DSCAML1: variants seen among roughly 807,000 people sequenced by gnomAD.
DSCAML1 encodes cell adhesion molecule DSCAML1.
In DSCAML1, 38 loss-of-function variants were observed where a neutral mutation model predicts 200.5. The observed-to-expected ratio is 0.19, with a 90% CI of 0.15 to 0.25. The LOEUF (loss-of-function observed/expected upper bound fraction) is 0.25. Among genes scored for constraint, DSCAML1 ranks in the 10% least tolerant of loss-of-function variants. The pLI is 1.00. For synonymous variants in DSCAML1, 1,215 were observed against 1,165.0 expected (o/e 1.04, Z -0.87); for missense variants, 2,223 against 2,858.8 (o/e 0.78, Z 5.07).
intron 3 of DSCAML1, among the ~76,000 whole-genome samples, chr11:117,762,213 A>C (rs917907791): frequency 5.3e-5 from 8 of 152,266 alleles, no homozygotes; most frequent in Non-Finnish European, 7.3e-5. Context: ...AGATAAGTTC[A>C]TAAAGCAGAC....
chr11:117,444,998 C>T (rs892314231), intron 20 of DSCAML1, among the ~76,000 whole-genome samples: 15 of 152,040 alleles, frequency 9.9e-5, no homozygotes, highest in African/African-American at 2.7e-4. Flanking sequence ...GATGGGGGCC[C>T]GAGGCCAGAG....
Position 117,505,828 on chromosome 11 carries a change from G to C in DSCAML1, c.1784-96C>G, listed in dbSNP as rs1007931942. On this transcript the variant is annotated intron_variant, in intron 8 of 32. Transcript: ENST00000651296. The surrounding 1 kb of genome is among the most constrained non-coding windows in gnomAD (Gnocchi z 6.7). ...TGCCTTACCTGGGGCTCTGGGTTGG[G>C]CCTTGAACAAAGATCCCCTGGGGCA... The C allele has an allele frequency of 4.2e-6, 6 of 1,444,252 alleles. No individual in the cohort carries two copies. In the South Asian group the frequency reaches 8.2e-5, roughly 20 times the overall value. The allele number at this position is 1,444,252 out of a possible 1,614,324, so 89.5% of individuals were successfully genotyped here. A position where few individuals can be genotyped will look rare whatever the true frequency, so the allele number is the denominator to read the frequency against.
At chr11:117,768,050 G>C (rs114796432) in intron 3 of DSCAML1, among the ~76,000 whole-genome samples, 2,004 of 152,274 alleles carry the variant, frequency 0.013, 41 homozygotes, top group African/African-American at 0.041. Flanking sequence ...AACGGGGGCT[G>C]TTTTGAGGAG....
rs144085753 is a variant in DSCAML1, at chr11:117,529,259, G to C, written c.658+3117C>G. On this transcript the variant is annotated intron_variant, in intron 4 of 32. Coordinates refer to ENST00000651296, the MANE Select transcript of DSCAML1 (RefSeq NM_020693.4). ...CACTCGGCTAACGTTTGTATTTTTA[G>C]TAAAGATGGGGTTTTGCCATGTTGG... 4.6e-3 allele frequency among the ~76,000 whole-genome samples: 706 copies of C among 152,190 alleles called. 5 individuals carry two copies. The highest frequency in any genetic ancestry group is 0.016 in the African/African-American group (682 of 41,508).
intron 3 of DSCAML1, among the ~76,000 whole-genome samples, chr11:117,670,216 C>A (rs533445014): frequency 1.8e-4 from 27 of 151,892 alleles, no homozygotes; most frequent in South Asian, 4.2e-4. Flanking sequence ...TGGAGAGGAG[C>A]GGTGGCTGGA....
chr11:117,440,021 C>G, intron 21 of DSCAML1, 85 bp from the exon 22 acceptor site: 1 of 1,184,722 alleles, frequency 8.4e-7, no homozygotes, highest in South Asian at 1.3e-5. Context: ...CCTGGATTTA[C>G]AGTTCAAATC....
chr11:117,647,672 A>G (rs536931447), intron 3 of DSCAML1, among the ~76,000 whole-genome samples: 244 of 152,298 alleles, frequency 1.6e-3, no homozygotes, highest in South Asian at 0.011. Context: ...AAGGGGGATG[A>G]GGAGGGAGAC....
In DSCAML1 at chr11:117,528,343, G is replaced by A. The variant is rs1018926571; in HGVS notation, c.659-3260C>T. Among the ~76,000 whole-genome samples the A allele has an allele frequency of 5.3e-5, 8 of 152,196 alleles. No individual in the cohort carries two copies. In the East Asian group the frequency reaches 7.7e-4, roughly 15 times the overall value. On this transcript the variant is annotated intron_variant, in intron 4 of 32. Coordinates refer to ENST00000651296, the MANE Select transcript of DSCAML1 (RefSeq NM_020693.4). Reference sequence around the variant, plus strand: ...GGGCGGAGGGAGGGAATTAATCACCGAGGCTCAGGCGTGAAATTAAATTCT... The same window carrying A: ...GGGCGGAGGGAGGGAATTAATCACCAAGGCTCAGGCGTGAAATTAAATTCT...
chr11:117,513,614 G>T (rs887348764), intron 8 of DSCAML1, among the ~76,000 whole-genome samples: 1 of 151,954 alleles, frequency 6.6e-6, no homozygotes, highest in Non-Finnish European at 1.5e-5. Flanking sequence ...GGTGGCGTGC[G>T]CCTGTAGTCC....
In DSCAML1 at chr11:117,814,412, A is replaced by G. The variant is rs76593321; in HGVS notation, c.-250+2978T>C. On this transcript the variant is annotated intron_variant, in intron 1 of 2. Coordinates refer to the DSCAML1 transcript ENST00000525836. Reference sequence around the variant, plus strand: ...GCCTGTGACCTTAGCTGTGAGGCCAAGGAAGAAGGGATCACGCACACCTCT... The same window carrying G: ...GCCTGTGACCTTAGCTGTGAGGCCAGGGAAGAAGGGATCACGCACACCTCT... 4.8e-3 allele frequency among the ~76,000 whole-genome samples: 735 copies of G among 152,340 alleles called. 6 individuals are homozygous for G. Among genetic ancestry groups the G allele is most frequent in the African/African-American group, 0.016 (683 of 41,588 alleles).
rs907923488 is a variant in DSCAML1 at position 117,498,520 on chromosome 11, C to T, written c.2359+5325G>A. 6.6e-6 allele frequency among the ~76,000 whole-genome samples: 1 copy of T among 152,176 alleles called. No individual in the cohort carries two copies. The highest frequency in any genetic ancestry group is 1.5e-5 in the Non-Finnish European group (1 of 68,008). On this transcript the variant is annotated intron_variant, in intron 11 of 32. Transcript: ENST00000651296. The surrounding 1 kb of genome is among the most constrained non-coding windows in gnomAD (Gnocchi z 4.0). ...TGCCCTGTGGAAGGGGTGGGGGCCC[C>T]AGTCCCCCAGGTCTCAGGGAGGTGC...
intron 3 of DSCAML1, among the ~76,000 whole-genome samples, chr11:117,634,874 T>C (rs2052246630): frequency 6.6e-6 from 1 of 152,180 alleles, no homozygotes; most frequent in Admixed American, 6.5e-5. Context: ...GGAGTTGAAG[T>C]CTGGTGGCTT....
chr11:117,500,328 T>C (rs1414457329), intron 11 of DSCAML1, among the ~76,000 whole-genome samples: 1 of 152,254 alleles, frequency 6.6e-6, no homozygotes, highest in Non-Finnish European at 1.5e-5. Flanking sequence ...ATAGTTGTTT[T>C]GGGTGTCTGT....
chr11:117,513,168 G>A (rs778434512), intron 8 of DSCAML1, among the ~76,000 whole-genome samples: 31 of 152,142 alleles, frequency 2.0e-4, no homozygotes, highest in Admixed American at 5.9e-4. Context: ...GGCCCGGCCC[G>A]TGATGCTGCT....
intron 3 of DSCAML1, among the ~76,000 whole-genome samples, chr11:117,558,295 G>A (rs1013824579): frequency 3.3e-5 from 5 of 152,150 alleles, no homozygotes; most frequent in African/African-American, 1.2e-4. Context: ...ACCCTTAAGG[G>A]CCTGCCAGGG....
intron 14 of DSCAML1, among the ~76,000 whole-genome samples, chr11:117,475,263 C>G (rs911835391): frequency 2.6e-5 from 4 of 152,170 alleles, no homozygotes; most frequent in Non-Finnish European, 4.4e-5. Context: ...GTGAGCATTC[C>G]ATCTTGGCCC....
intron 3 of DSCAML1, among the ~76,000 whole-genome samples, chr11:117,618,811 G>A (rs1244840163): frequency 6.6e-6 from 1 of 152,140 alleles, no homozygotes; most frequent in Non-Finnish European, 1.5e-5. Flanking sequence ...TGCTACGGAG[G>A]CTGTGTTAAG....
chr11:117,531,039 G>A (rs150696086), intron 4 of DSCAML1, among the ~76,000 whole-genome samples: 1 of 152,280 alleles, frequency 6.6e-6, no homozygotes, highest in Non-Finnish European at 1.5e-5. Flanking sequence ...ATTCCAGAGC[G>A]CCTTGCAACG....
chr11:117,625,024 CG>C (rs923603372), intron 3 of DSCAML1, among the ~76,000 whole-genome samples: 1 of 152,042 alleles, frequency 6.6e-6, no homozygotes, highest in African/African-American at 2.4e-5. Context: ...GGAGTGTGGC[CG>C]GGGCTTTGGA....
Sources: gnomAD v4.1 joint callset for allele counts (sites outside exome capture counted in the v4.1 genomes callset) on GRCh38, gnomAD v4.1.1 for gene constraint, Gnocchi (gnomAD v3.1) non-coding constraint, MANE v1.5 for transcripts, NCBI Gene and HGNC (gene_info 2026-07-23, HGNC 2026-07-21) for gene names.